Variants in RAD51B observed in about 807,000 individuals in gnomAD.
The protein encoded by RAD51B is DNA repair protein RAD51 homolog 2.
Under a neutral mutation model 42.2 loss-of-function variants are expected in RAD51B, and 38 were observed. The ratio of observed to expected loss-of-function variants is 0.90; its 90% CI spans 0.70 to 1.18. RAD51B has a LOEUF of 1.18. Among genes scored for constraint, RAD51B ranks in the 50% most tolerant of loss-of-function variants. RAD51B has a pLI of 0.00. For missense variants in RAD51B, 373 were observed against 400.7 expected (o/e 0.93, Z 0.59); for synonymous variants, 154 against 145.2 (o/e 1.06, Z -0.43).
At chr14:68,628,808 T>C (rs1016118959) in intron 10 of RAD51B, among the ~76,000 whole-genome samples, 5 of 151,828 alleles carry the variant, frequency 3.3e-5, no homozygotes, top group African/African-American at 1.2e-4. Flanking sequence ...ACCAGGCCTG[T>C]AAGGAGGAGC....
At chr14:68,602,403 A>T (rs1213144206) in intron 10 of RAD51B, among the ~76,000 whole-genome samples, 1 of 152,188 alleles carries the variant, frequency 6.6e-6, no homozygotes, top group South Asian at 2.1e-4. Flanking sequence ...GCCTTTGTCC[A>T]GTCCCATCTC....
At chr14:68,100,248 A>C (rs2077265638) in intron 7 of RAD51B, among the ~76,000 whole-genome samples, 1 of 152,216 alleles carries the variant, frequency 6.6e-6, no homozygotes, top group Non-Finnish European at 1.5e-5. Context: ...TGGCTTTAAA[A>C]ACTATTTTAT....
rs778136542 is a variant in RAD51B, at chr14:68,331,367, C to CAAAAAAAAAAAAAAAAAAAAAAAA, written c.853+39405_853+39406insAAAAAAAAAAAAAAAAAAAAAAAA. On this transcript the variant is annotated intron_variant, in intron 8 of 10. Transcript: ENST00000471583. ...TGGGCTACAGAACGAGACTCTGTCTCAAAAAAAAAAAAAAAAAAGCAATGG... is the reference window on the plus strand; with the variant it reads ...TGGGCTACAGAACGAGACTCTGTCTCAAAAAAAAAAAAAAAAAAAAAAAAAAAAAAAAAAAAAAAAAAGCAATGG... Among the ~76,000 whole-genome samples the CAAAAAAAAAAAAAAAAAAAAAAAA allele has an allele frequency of 1.0e-2, 327 of 32,852 alleles. 60 individuals are homozygous for CAAAAAAAAAAAAAAAAAAAAAAAA. The highest frequency in any genetic ancestry group is 0.022 in the South Asian group (14 of 634). 21.6% of individuals were successfully genotyped at this position (32,852 alleles called of 152,430 possible).
chr14:68,198,866 A>G (rs1443700554), intron 7 of RAD51B, among the ~76,000 whole-genome samples: 4 of 152,218 alleles, frequency 2.6e-5, no homozygotes, highest in Admixed American at 1.3e-4. Context: ...AACTCTTCCA[A>G]TGCTGGAGAA....
intron 7 of RAD51B, among the ~76,000 whole-genome samples, chr14:68,049,097 C>G (rs891498049): frequency 2.6e-5 from 4 of 151,980 alleles, no homozygotes; most frequent in African/African-American, 9.7e-5. Context: ...TCTCAGCAGA[C>G]TACCGCAAGG....
At chr14:68,498,067 A>C (rs1037446972) in intron 10 of RAD51B, among the ~76,000 whole-genome samples, 1 of 152,218 alleles carries the variant, frequency 6.6e-6, no homozygotes, top group Non-Finnish European at 1.5e-5. Flanking sequence ...TTCTATGTTT[A>C]ACTTTTTGAA....
chr14:67,986,904 G>A (rs1166147156), intron 7 of RAD51B, among the ~76,000 whole-genome samples: 2 of 152,138 alleles, frequency 1.3e-5, no homozygotes, highest in African/African-American at 4.8e-5. Flanking sequence ...GCTAATTTTT[G>A]TATTTTTAGT....
At chr14:68,617,896 A>G (rs1208351932) in intron 10 of RAD51B, among the ~76,000 whole-genome samples, 4 of 152,210 alleles carry the variant, frequency 2.6e-5, no homozygotes, top group African/African-American at 2.4e-5. Flanking sequence ...CTTTGGCTTC[A>G]AATCCCAAGG....
intron 9 of RAD51B, among the ~76,000 whole-genome samples, chr14:68,414,979 TAG>T (rs2084518158): frequency 8.1e-6 from 1 of 123,280 alleles, no homozygotes; most frequent in African/African-American, 3.2e-5. Flanking sequence ...TTACAGTGAG[TAG>T]AGAGTGTGCC....
chr14:68,356,962 G>A (rs12888300), intron 8 of RAD51B, among the ~76,000 whole-genome samples: 14,459 of 122,404 alleles, frequency 0.12, 878 homozygotes, highest in East Asian at 0.34. Context: ...CAGCCTGGGC[G>A]ACAGAGCGAG....
At chr14:68,140,492 C>T (rs1484895563) in intron 7 of RAD51B, among the ~76,000 whole-genome samples, 1 of 152,232 alleles carries the variant, frequency 6.6e-6, no homozygotes, top group Non-Finnish European at 1.5e-5. Context: ...GTTACCTCCA[C>T]CAAGGCATTG....
At chr14:68,075,139 G>A (rs1474061996) in intron 7 of RAD51B, among the ~76,000 whole-genome samples, 3 of 151,946 alleles carry the variant, frequency 2.0e-5, no homozygotes, top group Non-Finnish European at 1.5e-5. Context: ...CTGACAATCA[G>A]AACAATCAAC....
chr14:68,203,007 A>G (rs2140929051), intron 7 of RAD51B, among the ~76,000 whole-genome samples: 1 of 152,240 alleles, frequency 6.6e-6, no homozygotes, highest in Admixed American at 6.5e-5. Context: ...ATCCAGTCTT[A>G]AACCCCTCAG....
chr14:68,006,925 A>G (rs2075601194), intron 7 of RAD51B, among the ~76,000 whole-genome samples: 1 of 152,172 alleles, frequency 6.6e-6, no homozygotes, highest in Admixed American at 6.6e-5. Flanking sequence ...TGTACAGTTC[A>G]GTGGTTTTTA....
chr14:67,995,963 C>A (rs570616947), intron 7 of RAD51B, among the ~76,000 whole-genome samples: 1 of 152,012 alleles, frequency 6.6e-6, no homozygotes, highest in Admixed American at 6.5e-5. Flanking sequence ...ATTACTGGTA[C>A]AATTTATTCA....
At chr14:68,340,808 G>A (rs778140774) in intron 8 of RAD51B, among the ~76,000 whole-genome samples, 5 of 152,152 alleles carry the variant, frequency 3.3e-5, no homozygotes, top group Non-Finnish European at 1.5e-5. Flanking sequence ...CATCCATGAC[G>A]CTTGGCTCTC....
intron 8 of RAD51B, among the ~76,000 whole-genome samples, chr14:68,301,740 G>A (rs371659968): frequency 6.6e-6 from 1 of 152,044 alleles, no homozygotes; most frequent in African/African-American, 2.4e-5. Context: ...GGGATTACAG[G>A]CATGCACCAC....
chr14:68,309,666 A>G (rs1370599753), intron 8 of RAD51B, among the ~76,000 whole-genome samples: 1 of 152,226 alleles, frequency 6.6e-6, no homozygotes, highest in Non-Finnish European at 1.5e-5. Context: ...AATAATAACA[A>G]TAATGATAAT....
intron 7 of RAD51B, among the ~76,000 whole-genome samples, chr14:67,994,120 T>C (rs1595222985): frequency 6.6e-6 from 1 of 152,158 alleles, no homozygotes; most frequent in East Asian, 1.9e-4. Flanking sequence ...TTTTCTATAT[T>C]TTCTTCCTTT....
Sources: gnomAD v4.1 joint callset for allele counts (sites outside exome capture counted in the v4.1 genomes callset) on GRCh38, gnomAD v4.1.1 for gene constraint, MANE v1.5 for transcripts, NCBI Gene and HGNC (gene_info 2026-07-23, HGNC 2026-07-21) for gene names.